The following PIWIL1 variants were observed in gnomAD, a reference collection of about 807,000 sequenced individuals.
PIWIL1 encodes the protein piwi-like protein 1.
A neutral mutation model predicts 114.4 loss-of-function variants in PIWIL1; 73 were observed. That is an observed-to-expected ratio of 0.64 (90% CI 0.53 to 0.78). The LOEUF (loss-of-function observed/expected upper bound fraction) is 0.78. Ranked by LOEUF, PIWIL1 falls within the 30% of genes least tolerant of loss-of-function variation. PIWIL1 has a pLI of 0.00. For missense variants in PIWIL1, 723 were observed against 1,063.1 expected (o/e 0.68, Z 4.45); for synonymous variants, 375 against 369.0 (o/e 1.02, Z -0.19).
intron 12 of PIWIL1, among the ~76,000 whole-genome samples, chr12:130,356,224 G>A (rs1425419561): frequency 1.3e-5 from 2 of 151,480 alleles, no homozygotes; most frequent in Non-Finnish European, 2.9e-5. Flanking sequence ...TTTCAGAAAA[G>A]GAAAAGTATT....
At chr12:130,408,125 C>T in the PIWIL1 span, among the ~76,000 whole-genome samples, 1 of 152,204 alleles carries the variant, frequency 6.6e-6, no homozygotes, top group African/African-American at 2.4e-5. Flanking sequence ...GCACGGGGCT[C>T]TCGAACAGCA....
chr12:130,388,119 C>T, the PIWIL1 span, among the ~76,000 whole-genome samples: 2 of 152,036 alleles, frequency 1.3e-5, no homozygotes, highest in Non-Finnish European at 2.9e-5. Context: ...GTCTTCTTTT[C>T]ATTTTGGTTT....
chr12:130,348,883 G>A (rs1406443843), intron 7 of PIWIL1, among the ~76,000 whole-genome samples: 4 of 152,096 alleles, frequency 2.6e-5, no homozygotes, highest in East Asian at 1.9e-4. Flanking sequence ...GTGACAGAGC[G>A]AGACACTAAG....
the PIWIL1 span, chr12:130,397,325 T>C: frequency 2.5e-6 from 1 of 398,606 alleles, no homozygotes; most frequent in African/African-American, 2.1e-5. Flanking sequence ...TTAAAGAAAA[T>C]TACATAGATT....
chr12:130,416,111 G>A, the PIWIL1 span, among the ~76,000 whole-genome samples: 1 of 152,182 alleles, frequency 6.6e-6, no homozygotes, highest in Non-Finnish European at 1.5e-5. Context: ...AATATTCCAT[G>A]CTCATGGGTT....
At chr12:130,405,911 G>A in the PIWIL1 span, among the ~76,000 whole-genome samples, 1 of 152,132 alleles carries the variant, frequency 6.6e-6, no homozygotes, top group African/African-American at 2.4e-5. Flanking sequence ...GAATATGAAT[G>A]TATTTGTTTT....
Position 130,354,968 on chromosome 12 carries a change from C to T in PIWIL1, c.1252C>T (p.Gln418Ter), listed in dbSNP as rs1408521969. 6.2e-7 allele frequency: 1 copy of T among 1,612,774 alleles called. No individual in the cohort carries two copies. Reference sequence around the variant, plus strand: ...TACAAGACTAACTCCAGAGCAAAGGCAGCGTGAAGTGGGACGACTCATTGA... The same window carrying T: ...TACAAGACTAACTCCAGAGCAAAGGTAGCGTGAAGTGGGACGACTCATTGA... ...VHTRLTPEQR[Q>*]REVGRLIDYI... The change falls in exon 11 of 21, where the codon CAG (glutamine) becomes TAG (stop). Residue 418 changes from glutamine to a stop codon, truncating the protein, a stop_gained. Coordinates refer to ENST00000245255, the MANE Select transcript of PIWIL1 (RefSeq NM_004764.5). LOFTEE classifies it high-confidence loss of function.
At position 130,357,116 on chromosome 12, in the gene PIWIL1, C is replaced by T. The variant is rs1427381893; in HGVS notation, c.1592+11C>T. On this transcript the variant is annotated intron_variant, in intron 13 of 20. Coordinates refer to ENST00000245255, the MANE Select transcript of PIWIL1 (RefSeq NM_004764.5). ...GAGAAAAGCAATAATGTAAGTTAAT[C>T]AAGTCATTTCTGCTCTGAAAATTGC... 6.3e-7 allele frequency: 1 copy of T among 1,594,992 alleles called. No individual in the cohort carries two copies. Among genetic ancestry groups the T allele is most frequent in the East Asian group, 2.2e-5 (1 of 44,498 alleles).
chr12:130,349,197 G>A, intron 7 of PIWIL1, 42 bp from the exon 8 acceptor site: 2 of 1,477,058 alleles, frequency 1.4e-6, no homozygotes, highest in Non-Finnish European at 1.9e-6. Context: ...AGAATGTGTT[G>A]AATGTGGAGA....
the PIWIL1 span, among the ~76,000 whole-genome samples, chr12:130,413,862 C>T: frequency 6.6e-6 from 1 of 152,114 alleles, no homozygotes; most frequent in African/African-American, 2.4e-5. Context: ...TTCTCAACAA[C>T]GTAGGCCCTA....
chr12:130,354,451 T>G (rs1225790613), intron 9 of PIWIL1, 86 bp from the exon 10 acceptor site: 7 of 1,558,764 alleles, frequency 4.5e-6, no homozygotes, highest in Non-Finnish European at 6.1e-6. Context: ...GCTCTTTATT[T>G]TTTTAAAAAA....
rs2073820774 is a variant in PIWIL1, at chr12:130,371,704, G to T, written c.*106G>T. 1 of 698,484 alleles carries T rather than the reference G, an allele frequency of 1.4e-6. No homozygotes were observed. The highest frequency in any genetic ancestry group is 2.4e-6 in the Non-Finnish European group (1 of 408,514). The allele number at this position is 698,484 out of a possible 1,614,324, so 43.3% of individuals were successfully genotyped here. A position where few individuals can be genotyped will look rare whatever the true frequency, so the allele number is the denominator to read the frequency against. On this transcript the variant is annotated 3_prime_UTR_variant, in exon 21 of 21. Coordinates refer to ENST00000245255, the MANE Select transcript of PIWIL1 (RefSeq NM_004764.5). The stretch of plus-strand genomic sequence containing the variant: ...CTGTTATCTTTCTGGATGAAACTTG[G>T]GAAGGGGATTAGGAGATCTAGCATT...
the PIWIL1 span, among the ~76,000 whole-genome samples, chr12:130,394,046 G>A: frequency 6.6e-6 from 1 of 152,142 alleles, no homozygotes; most frequent in Non-Finnish European, 1.5e-5. Flanking sequence ...GGTAGAGAAG[G>A]CCCCTACCAT....
chr12:130,373,079 G>C (rs569070521), downstream of PIWIL1, among the ~76,000 whole-genome samples: 19 of 152,220 alleles, frequency 1.2e-4, no homozygotes, highest in South Asian at 3.9e-3. Context: ...TTAGTTCTTA[G>C]AGCTAATAAT....
Position 130,349,268 on chromosome 12 carries a change from C to G in PIWIL1, c.764C>G (p.Ser255Cys). ...RLVIWPGFTT[S>C]ILQYENSIML... ...GTGATTTGGCCTGGCTTCACTACTT[C>G]CATCCTTCAGTATGAAAACAGCATC... Residue 255 changes from serine to cysteine, a missense_variant, in exon 8 of 21, where the codon TCC becomes TGC. By Grantham distance (112) the Ser-to-Cys change is moderately radical. This residue lies in a region of PIWIL1 where 190 missense variants were observed against 294.4 expected (regional missense o/e 0.65). Coordinates refer to ENST00000245255, the MANE Select transcript of PIWIL1 (RefSeq NM_004764.5). 6.2e-7 allele frequency: 1 copy of G among 1,613,594 alleles called. No individual in the cohort carries two copies. The highest frequency in any genetic ancestry group is 8.5e-7 in the Non-Finnish European group (1 of 1,179,516).
In PIWIL1 at chr12:130,354,982, A is replaced by G. The variant is rs1677104645; in HGVS notation, c.1266A>G (p.Gly422=). The change falls in exon 11 of 21, where the codon GGA becomes GGG. Residue 422 remains glycine (G), a synonymous_variant. Transcript: ENST00000245255. Reference sequence around the variant, plus strand: ...CAGAGCAAAGGCAGCGTGAAGTGGGACGACTCATTGATTACATTCATAAGT... The same window carrying G: ...CAGAGCAAAGGCAGCGTGAAGTGGGGCGACTCATTGATTACATTCATAAGT... ...LTPEQRQREV[G]RLIDYIHKND... The G allele has an allele frequency of 3.1e-6, 5 of 1,608,164 alleles. No homozygotes were observed. Among genetic ancestry groups the G allele is most frequent in the Non-Finnish European group, 4.3e-6 (5 of 1,174,708 alleles).
intron 7 of PIWIL1, 107 bp downstream of exon 7, chr12:130,348,290 G>GC (rs1280796870): frequency 4.9e-6 from 3 of 613,066 alleles, no homozygotes; most frequent in Non-Finnish European, 8.6e-6. Context: ...TGTTAATGCC[G>GC]CCCATCACAT....
chr12:130,361,442 T>C (rs1475307742), intron 15 of PIWIL1, 56 bp from the exon 16 acceptor site: 1 of 1,609,776 alleles, frequency 6.2e-7, no homozygotes, highest in Non-Finnish European at 8.5e-7. Context: ...ATGGATTTAC[T>C]TTTTAAATGT....
In PIWIL1 at chr12:130,359,648, ATTG is replaced by A. The variant is rs1447375434; in HGVS notation, c.1666-1529_1666-1527del. ...TTATTTTTAGCAGAGTTGGTTGGTT[ATTG>A]TTAGAAAACTGACATACAAAGGTCA... On this transcript the variant is annotated intron_variant, in intron 14 of 20. Transcript: ENST00000245255. Among the ~76,000 whole-genome samples, 6 of 152,190 alleles carry A rather than the reference ATTG, an allele frequency of 3.9e-5. 1 individual carries two copies. Among genetic ancestry groups the A allele is most frequent in the Admixed American group, 3.3e-4 (5 of 15,282 alleles).
Sources: allele counts gnomAD v4.1 joint callset (sites outside exome capture counted in the v4.1 genomes callset), GRCh38; gene constraint gnomAD v4.1.1; regional missense constraint gnomAD v4.1.1; transcripts MANE v1.5; gene names NCBI Gene and HGNC (gene_info 2026-07-23, HGNC 2026-07-21).